Variants in ADGRL3 observed in about 807,000 individuals in gnomAD.
The protein encoded by ADGRL3 is adhesion G protein-coupled receptor L3.
A neutral mutation model predicts 153.5 loss-of-function variants in ADGRL3; 62 were observed. That is an observed-to-expected ratio of 0.40 (90% CI 0.33 to 0.50). The LOEUF is 0.50. Ranked by LOEUF, ADGRL3 falls within the 20% of genes least tolerant of loss-of-function variation. The pLI is 0.47. For synonymous variants in ADGRL3, 710 were observed against 672.5 expected (o/e 1.06, Z -0.86); for missense variants, 1,641 against 1,859.4 (o/e 0.88, Z 2.16).
At chr4:61,568,364 T>A (rs1315529724) in intron 4 of ADGRL3, among the ~76,000 whole-genome samples, 1 of 152,180 alleles carries the variant, frequency 6.6e-6, no homozygotes, top group Admixed American at 6.6e-5. Flanking sequence ...ATTAATACTT[T>A]GTAACTAAGT....
intron 1 of ADGRL3, among the ~76,000 whole-genome samples, chr4:61,352,125 A>T (rs148904685): frequency 6.6e-6 from 1 of 152,296 alleles, no homozygotes; most frequent in Non-Finnish European, 1.5e-5. Context: ...AGTTGAGTCC[A>T]ACCCTCATGG....
chr4:61,762,716 C>A (rs559956582), intron 8 of ADGRL3, among the ~76,000 whole-genome samples: 58 of 151,986 alleles, frequency 3.8e-4, no homozygotes, highest in Non-Finnish European at 6.3e-4. Context: ...AATTATTTTG[C>A]TAAGATACAA....
At chr4:61,264,782 T>G (rs2092746650) in intron 1 of ADGRL3, among the ~76,000 whole-genome samples, 1 of 151,934 alleles carries the variant, frequency 6.6e-6, no homozygotes, top group African/African-American at 2.4e-5. Flanking sequence ...TCTCTTGTGC[T>G]CTACACAGTG....
At chr4:61,930,048 C>G (rs1049875745) in intron 13 of ADGRL3, among the ~76,000 whole-genome samples, 9 of 151,772 alleles carry the variant, frequency 5.9e-5, no homozygotes, top group African/African-American at 2.2e-4. Context: ...TGGTGACGGG[C>G]GCCTGTAGTC....
At position 61,739,278 on chromosome 4, in the gene ADGRL3, T is replaced by C. The variant is rs115532336; in HGVS notation, c.1399+5724T>C. ...TCATATTGTAATAATCTTATTGATA[T>C]TGTTTTAGTCAGTTTCTTCTACAAA... On this transcript the variant is annotated intron_variant, in intron 8 of 26. Coordinates refer to ENST00000683033, the MANE Select transcript of ADGRL3 (RefSeq NM_001387552.1). Among the ~76,000 whole-genome samples the C allele has an allele frequency of 9.5e-3, 1,440 of 152,036 alleles. 31 individuals are homozygous for C. The highest frequency in any genetic ancestry group is 0.033 in the African/African-American group (1,361 of 41,410).
intron 1 of ADGRL3, among the ~76,000 whole-genome samples, chr4:61,215,685 G>T (rs953460955): frequency 1.3e-5 from 2 of 151,338 alleles, no homozygotes; most frequent in Non-Finnish European, 2.9e-5. Flanking sequence ...CTGAGTAGCT[G>T]GGACTGCAGG....
chr4:61,725,094 G>A (rs1042096974), intron 6 of ADGRL3, among the ~76,000 whole-genome samples: 1 of 152,110 alleles, frequency 6.6e-6, no homozygotes, highest in African/African-American at 2.4e-5. Context: ...ACAAAGCATG[G>A]CAAATATTAA....
chr4:61,200,948 C>G lies in ADGRL3; in HGVS notation c.-1057C>G, dbSNP rs1022186491. Among the ~76,000 whole-genome samples, 1 of 152,084 alleles carries G rather than the reference C, an allele frequency of 6.6e-6. No individual in the cohort carries two copies. Among genetic ancestry groups the G allele is most frequent in the South Asian group, 2.1e-4 (1 of 4,832 alleles). On this transcript the variant is annotated 5_prime_UTR_variant, in exon 1 of 27. Coordinates refer to ENST00000683033, the MANE Select transcript of ADGRL3 (RefSeq NM_001387552.1). ...CGGCCGGGCGCCCGCTCTGTCTGCG[C>G]GCCCCCTCCGTGCACCGGGGAAGGA...
At chr4:62,015,822 A>C (rs2099208593) in intron 21 of ADGRL3, among the ~76,000 whole-genome samples, 2 of 151,410 alleles carry the variant, frequency 1.3e-5, no homozygotes, top group Non-Finnish European at 2.9e-5. Context: ...TACATTTTGA[A>C]TGCTTTTGCT....
chr4:61,934,904 C>T lies in ADGRL3; in HGVS notation c.2177C>T (p.Thr726Ile). ...GCTTTGAATGCATGGAGAGACCTGA[C>T]TACGAGTGATCAGCTGCGTGCGGCC... Reference protein sequence around the residue: ...PQALNAWRDLTTSDQLRAATM... With the variant: ...PQALNAWRDLITSDQLRAATM... The change falls in exon 14 of 27, where the codon ACT (threonine) becomes ATT (isoleucine). Residue 726 changes from threonine to isoleucine, a missense_variant. Coordinates refer to ENST00000683033, the MANE Select transcript of ADGRL3 (RefSeq NM_001387552.1). 6.2e-7 allele frequency: 1 copy of T among 1,613,836 alleles called. No individual in the cohort carries two copies. The highest frequency in any genetic ancestry group is 8.5e-7 in the Non-Finnish European group (1 of 1,179,818).
chr4:61,902,639 A>G (rs1481809067), intron 11 of ADGRL3, among the ~76,000 whole-genome samples: 2 of 151,984 alleles, frequency 1.3e-5, no homozygotes, highest in Non-Finnish European at 2.9e-5. Flanking sequence ...CCCTTTGTGC[A>G]GTTTCTCTAA....
intron 9 of ADGRL3, among the ~76,000 whole-genome samples, chr4:61,866,332 A>G (rs1217117459): frequency 6.6e-6 from 1 of 152,192 alleles, no homozygotes; most frequent in Non-Finnish European, 1.5e-5. Flanking sequence ...GGGACAAGAG[A>G]GGAGAGAAGA....
chr4:61,821,534 T>C (rs2097756530), intron 9 of ADGRL3, among the ~76,000 whole-genome samples: 1 of 152,104 alleles, frequency 6.6e-6, no homozygotes, highest in South Asian at 2.1e-4. Flanking sequence ...AGCTAATTAC[T>C]ACTTTTTATA....
chr4:62,028,603 C>A (rs1720224926), intron 21 of ADGRL3, among the ~76,000 whole-genome samples: 1 of 151,586 alleles, frequency 6.6e-6, no homozygotes, highest in African/African-American at 2.4e-5. Context: ...GTAATATGAG[C>A]ACATGATAAA....
In ADGRL3 at chr4:62,015,434, C is replaced by T. The variant is rs186322190; in HGVS notation, c.3396-13421C>T. ...TTAATTATGAGATTAAGATAATAAC[C>T]CATGAGCATAAAAAGGAACAATTTA... On this transcript the variant is annotated intron_variant, in intron 21 of 26. Transcript: ENST00000683033. Among the ~76,000 whole-genome samples, 66 of 152,178 alleles carry T rather than the reference C, an allele frequency of 4.3e-4. 1 individual carries two copies. The East Asian group carries it at 0.011, about 24-fold the overall frequency.
intron 1 of ADGRL3, among the ~76,000 whole-genome samples, chr4:61,224,619 G>A (rs1210556912): frequency 6.6e-6 from 1 of 152,202 alleles, no homozygotes; most frequent in Non-Finnish European, 1.5e-5. Context: ...GCAATTCATA[G>A]TGGTCACTTA....
intron 5 of ADGRL3, among the ~76,000 whole-genome samples, chr4:61,620,992 T>A (rs2092468826): frequency 6.6e-6 from 1 of 152,172 alleles, no homozygotes; most frequent in Admixed American, 6.6e-5. Context: ...ACAGATTTTA[T>A]GATTATTATT....
At chr4:61,951,427 T>C (rs180771156) in intron 17 of ADGRL3, among the ~76,000 whole-genome samples, 5 of 152,300 alleles carry the variant, frequency 3.3e-5, no homozygotes, top group East Asian at 1.9e-4. Flanking sequence ...GGTATACCTG[T>C]AATATGGATC....
At chr4:61,257,539 T>A (rs1301487149) in intron 1 of ADGRL3, among the ~76,000 whole-genome samples, 1 of 152,062 alleles carries the variant, frequency 6.6e-6, no homozygotes, top group East Asian at 1.9e-4. Flanking sequence ...AAGATTAGGG[T>A]TCTTTGAACA....
Sources: gnomAD v4.1 joint callset for allele counts (sites outside exome capture counted in the v4.1 genomes callset) on GRCh38, gnomAD v4.1.1 for gene constraint, MANE v1.5 for transcripts, NCBI Gene and HGNC (gene_info 2026-07-23, HGNC 2026-07-21) for gene names.